The following RBFOX3 variants were observed in gnomAD, a reference collection of about 807,000 sequenced individuals.
RBFOX3 encodes RNA binding fox-1 homolog 3, also known as RNA binding protein fox-1 homolog 3.
In RBFOX3, 17 loss-of-function variants were observed where a neutral mutation model predicts 48.7. The observed-to-expected ratio is 0.35, with a 90% confidence interval of 0.24 to 0.52. RBFOX3 has a LOEUF of 0.52. Among genes scored for constraint, RBFOX3 ranks in the 20% least tolerant of loss-of-function variants. RBFOX3 has a pLI of 0.94. For missense variants in RBFOX3, 382 were observed against 497.5 expected, an observed-to-expected ratio of 0.77 and a Z score of 2.21; for synonymous variants, 212 against 209.5, an observed-to-expected ratio of 1.01 and a Z score of -0.10.
At chr17:79,149,113 T>C (rs1164056790) in intron 4 of RBFOX3, among the ~76,000 whole-genome samples, 1 of 152,172 alleles carries the variant, frequency 6.6e-6, no homozygotes. Context: ...CTCCAGGGCA[T>C]GGAGGCTCCC....
At chr17:79,266,481 TTC>T (rs1326679645) in intron 3 of RBFOX3, among the ~76,000 whole-genome samples, 1 of 152,152 alleles carries the variant, frequency 6.6e-6, no homozygotes, top group South Asian at 2.1e-4. Flanking sequence ...TTTGCTAAGT[TTC>T]TGTGTTCTGT....
At chr17:79,620,306 T>C in the RBFOX3 span, among the ~76,000 whole-genome samples, 3 of 135,534 alleles carry the variant, frequency 2.2e-5, no homozygotes, top group Admixed American at 7.4e-5. Flanking sequence ...CACACGCACA[T>C]GCACAAATAT....
intron 2 of RBFOX3, among the ~76,000 whole-genome samples, chr17:79,308,702 A>C (rs1047805479): frequency 6.6e-6 from 1 of 152,106 alleles, no homozygotes; most frequent in African/African-American, 2.4e-5. Context: ...TGCCTTCATA[A>C]GAGTGTCTGT....
chr17:79,620,347 A>ACACAGACATGCACG, the RBFOX3 span, among the ~76,000 whole-genome samples: 1 of 147,826 alleles, frequency 6.8e-6, no homozygotes, highest in African/African-American at 2.5e-5. Context: ...AGACATGCAC[A>ACACAGACATGCACG]CACACGGACA....
chr17:79,248,569 C>T (rs1316459140), intron 3 of RBFOX3, among the ~76,000 whole-genome samples: 2 of 152,228 alleles, frequency 1.3e-5, no homozygotes, highest in Non-Finnish European at 2.9e-5. Context: ...AAGCTAGTTT[C>T]CCTGGGAGGT....
intron 9 of RBFOX3, 36 bp from the exon 10 acceptor site, chr17:79,097,781 C>T: frequency 6.5e-7 from 1 of 1,547,544 alleles, no homozygotes; most frequent in Non-Finnish European, 8.7e-7. Context: ...TCACTGCCTT[C>T]CCCGACCCTT....
At chr17:79,440,292 C>G (rs1555734000) in intron 2 of RBFOX3, among the ~76,000 whole-genome samples, 2 of 152,224 alleles carry the variant, frequency 1.3e-5, no homozygotes, top group Non-Finnish European at 2.9e-5. Context: ...ACGGCATTTC[C>G]CATGTCCCAG....
chr17:79,520,736 T>C lies in RBFOX3; in HGVS notation c.-319-38138A>G, dbSNP rs2085940891. On this transcript the variant is annotated intron_variant, in intron 1 of 14. Transcript: ENST00000693108. ...GCAGAGCACAAGGGTGGGGTTCGTG[T>C]TGGACTCCCCTCCAGGGCGGCAGGG... is the stretch of plus-strand genomic sequence containing the variant. Among the ~76,000 whole-genome samples, 4 of 152,284 alleles carry C rather than the reference T, an allele frequency of 2.6e-5. No homozygotes were observed. In the South Asian group the frequency reaches 6.2e-4, roughly 24 times the overall value.
intron 1 of RBFOX3, among the ~76,000 whole-genome samples, chr17:79,557,061 T>C (rs1351897009): frequency 1.3e-5 from 2 of 151,882 alleles, no homozygotes; most frequent in African/African-American, 4.8e-5. Context: ...CTGGGCAACA[T>C]GGTGAAACTC....
chr17:79,168,816 T>C (rs1423520511), intron 4 of RBFOX3, among the ~76,000 whole-genome samples: 4 of 151,988 alleles, frequency 2.6e-5, no homozygotes, highest in Non-Finnish European at 5.9e-5. Flanking sequence ...TCACCCTGTC[T>C]TCCCGCTGGG....
intron 4 of RBFOX3, among the ~76,000 whole-genome samples, chr17:79,222,182 C>T (rs1397874639): frequency 1.3e-5 from 2 of 152,174 alleles, no homozygotes; most frequent in Non-Finnish European, 2.9e-5. Flanking sequence ...CTGATTTCTA[C>T]CTGCAGCCTG....
chr17:79,125,735 G>A (rs963651059), intron 4 of RBFOX3, among the ~76,000 whole-genome samples: 13 of 152,234 alleles, frequency 8.5e-5, no homozygotes, highest in South Asian at 2.1e-4. Context: ...AGGGCGCCGC[G>A]TGGCCCTGGG....
intron 1 of RBFOX3, among the ~76,000 whole-genome samples, chr17:79,512,153 T>C (rs1434043527): frequency 7.2e-6 from 1 of 138,360 alleles, no homozygotes; most frequent in Non-Finnish European, 1.6e-5. Context: ...TACAGCCCCA[T>C]GGCCAGGGGA....
At chr17:79,387,547 G>A (rs528915898) in intron 2 of RBFOX3, among the ~76,000 whole-genome samples, 104 of 152,332 alleles carry the variant, frequency 6.8e-4, no homozygotes, top group African/African-American at 2.2e-3. Context: ...CGCCCGCATG[G>A]GCTGGATGAG....
chr17:79,615,734 C>G (rs2093991296), upstream of RBFOX3, among the ~76,000 whole-genome samples: 14 of 152,180 alleles, frequency 9.2e-5, no homozygotes, highest in Non-Finnish European at 1.9e-4. Flanking sequence ...CTCTTAGCAT[C>G]AGGAGGTGGC....
intron 4 of RBFOX3, among the ~76,000 whole-genome samples, chr17:79,143,900 C>T (rs1184257787): frequency 2.6e-5 from 4 of 152,362 alleles, no homozygotes; most frequent in East Asian, 1.9e-4. Flanking sequence ...GTGCTCTTCA[C>T]GGCCACCCCT....
the RBFOX3 span, among the ~76,000 whole-genome samples, chr17:79,637,624 G>T: frequency 6.7e-6 from 1 of 149,396 alleles, no homozygotes; most frequent in African/African-American, 2.5e-5. Context: ...GAACCCAGGA[G>T]GTGGAGGTTG....
intron 1 of RBFOX3, among the ~76,000 whole-genome samples, chr17:79,594,055 C>T (rs1253311766): frequency 2.0e-5 from 3 of 152,100 alleles, no homozygotes; most frequent in Non-Finnish European, 2.9e-5. Context: ...ATGAACCTGC[C>T]TCTGTCTGAC....
chr17:79,381,326 C>T (rs935717996), intron 2 of RBFOX3, among the ~76,000 whole-genome samples: 1 of 151,854 alleles, frequency 6.6e-6, no homozygotes, highest in Non-Finnish European at 1.5e-5. Context: ...TAACCTGATA[C>T]ATTCTAAACA....
Sources: allele counts gnomAD v4.1 joint callset (sites outside exome capture counted in the v4.1 genomes callset), GRCh38; gene constraint gnomAD v4.1.1; transcripts MANE v1.5; gene names NCBI Gene and HGNC (gene_info 2026-07-23, HGNC 2026-07-21).